FBXO34: variants seen among roughly 807,000 people sequenced by gnomAD.
FBXO34 encodes F-box only protein 34.
In FBXO34, 12 loss-of-function variants were observed where a neutral mutation model predicts 24.5. That is an observed-to-expected ratio of 0.49 (90% CI 0.31 to 0.79). FBXO34 has a LOEUF of 0.79. FBXO34 is among the 30% of genes least tolerant of loss of function. The pLI is 0.04. For synonymous variants in FBXO34, 320 were observed against 311.9 expected, an observed-to-expected ratio of 1.03 and a Z score of -0.27; for missense variants, 823 against 857.7, an observed-to-expected ratio of 0.96 and a Z score of 0.51.
rs778899920 is a variant in FBXO34, at chr14:55,352,274, A to G, written c.1884A>G (p.Arg628=). ...GCTGGGTTCGAGATCCACGCTATAG[A>G]GAGGATCCTTGCAAACAGTGCAAGA... is the stretch of plus-strand genomic sequence containing the variant. ...DSRWVRDPRY[R]EDPCKQCKKK... The change falls in exon 2 of 2, where the codon AGA becomes AGG. Residue 628 remains arginine, a synonymous_variant. Transcript: ENST00000313833. The G allele has an allele frequency of 2.5e-5, 40 of 1,614,072 alleles. No individual in the cohort carries two copies. The highest frequency in any genetic ancestry group is 4.0e-5 in the African/African-American group (3 of 74,928).
chr14:55,293,321 G>A lies in FBXO34; in HGVS notation c.-11+21784G>A, dbSNP rs1594731258. 3.3e-5 allele frequency among the ~76,000 whole-genome samples: 5 copies of A among 152,182 alleles called. No individual in the cohort carries two copies. In the East Asian group the frequency reaches 7.7e-4, roughly 23 times the overall value. Reference sequence around the variant, plus strand: ...GCCACTCGAGTAGCTGGGATTACAGGTGTGTGCCACCACACCCAGCTAATT... The same window carrying A: ...GCCACTCGAGTAGCTGGGATTACAGATGTGTGCCACCACACCCAGCTAATT... On this transcript the variant is annotated intron_variant, in intron 1 of 1. Coordinates refer to ENST00000313833, the MANE Select transcript of FBXO34 (RefSeq NM_017943.4).
chr14:55,332,132 T>A (rs1883616194), intron 1 of FBXO34, among the ~76,000 whole-genome samples: 1 of 149,668 alleles, frequency 6.7e-6, no homozygotes, highest in African/African-American at 2.4e-5. Flanking sequence ...TATAACTCAT[T>A]CTCACTACTT....
chr14:55,351,623 C>G lies in FBXO34; in HGVS notation c.1233C>G (p.Leu411=). The change falls in exon 2 of 2, where the codon CTC becomes CTG. Residue 411 remains leucine (L), a synonymous_variant. Transcript: ENST00000313833. The part of the protein sequence containing the change: ...NRYDVEMTDE[L]VGLPFSSHTY... ...ATGATGTGGAAATGACAGATGAACTCGTTGGGTTACCTTTTTCCTCTCATA... is the reference window on the plus strand; with the variant it reads ...ATGATGTGGAAATGACAGATGAACTGGTTGGGTTACCTTTTTCCTCTCATA... 6.2e-7 allele frequency: 1 copy of G among 1,614,182 alleles called. No individual in the cohort carries two copies. Among genetic ancestry groups the G allele is most frequent in the Non-Finnish European group, 8.5e-7 (1 of 1,180,030 alleles).
chr14:55,406,856 G>T, the FBXO34 span, among the ~76,000 whole-genome samples: 532 of 151,934 alleles, frequency 3.5e-3, 7 homozygotes, highest in African/African-American at 0.012. Context: ...ATTTTGAATG[G>T]TTATTTGCTT....
the FBXO34 span, among the ~76,000 whole-genome samples, chr14:55,389,674 T>C: frequency 6.6e-6 from 1 of 152,246 alleles, no homozygotes; most frequent in East Asian, 1.9e-4. Context: ...TACATAAACA[T>C]GCTCTTTGAG....
At chr14:55,376,194 CGTCA>C in the FBXO34 span, among the ~76,000 whole-genome samples, 1 of 152,188 alleles carries the variant, frequency 6.6e-6, no homozygotes, top group African/African-American at 2.4e-5. Context: ...CCATACTAAG[CGTCA>C]GTTTCTCCTG....
chr14:55,409,798 G>GA, the FBXO34 span, among the ~76,000 whole-genome samples: 2 of 152,198 alleles, frequency 1.3e-5, no homozygotes, highest in Admixed American at 6.5e-5. Flanking sequence ...TGGGTAAAGT[G>GA]AAAAACCACT....
chr14:55,305,541 C>G (rs1035034921), intron 1 of FBXO34, among the ~76,000 whole-genome samples: 3 of 150,294 alleles, frequency 2.0e-5, no homozygotes, highest in Admixed American at 6.7e-5. Context: ...CCAAAAAATA[C>G]AAAAATTAGC....
At chr14:55,276,606 CTTGA>C (rs1298465465) in intron 1 of FBXO34, among the ~76,000 whole-genome samples, 1 of 151,720 alleles carries the variant, frequency 6.6e-6, no homozygotes, top group African/African-American at 2.4e-5. Context: ...GAGGAAGGGG[CTTGA>C]TTAACTTTTA....
chr14:55,429,314 C>G, the FBXO34 span, among the ~76,000 whole-genome samples: 2 of 152,254 alleles, frequency 1.3e-5, no homozygotes, highest in African/African-American at 4.8e-5. Flanking sequence ...CACCTGGGAA[C>G]TTGTTAGAAA....
intron 1 of FBXO34, among the ~76,000 whole-genome samples, chr14:55,296,223 G>A (rs1160248091): frequency 6.6e-6 from 1 of 151,978 alleles, no homozygotes; most frequent in Non-Finnish European, 1.5e-5. Flanking sequence ...TTCAGGAAGA[G>A]TTTAGCTTCT....
At chr14:55,413,933 T>C in the FBXO34 span, 2 of 484,168 alleles carry the variant, frequency 4.1e-6, no homozygotes, top group South Asian at 1.6e-5. Context: ...GCCATTCCCT[T>C]GATGTCTACA....
chr14:55,403,534 A>G, the FBXO34 span, among the ~76,000 whole-genome samples: 1 of 152,158 alleles, frequency 6.6e-6, no homozygotes, highest in South Asian at 2.1e-4. Context: ...AGGGATAGTC[A>G]TATATAATCT....
intron 1 of FBXO34, among the ~76,000 whole-genome samples, chr14:55,287,628 T>TTTTG (rs544027609): frequency 2.6e-5 from 4 of 152,240 alleles, no homozygotes; most frequent in South Asian, 2.1e-4. Context: ...TTTCTAGACT[T>TTTTG]TTTGTTTGTT....
chr14:55,348,152 G>A (rs974140666), intron 1 of FBXO34, among the ~76,000 whole-genome samples: 3 of 152,182 alleles, frequency 2.0e-5, no homozygotes. Flanking sequence ...AATTGCCAAA[G>A]ATCAGAAAGA....
the FBXO34 span, among the ~76,000 whole-genome samples, chr14:55,421,101 T>TGGGA: frequency 4.8e-5 from 7 of 146,770 alleles, no homozygotes; most frequent in Non-Finnish European, 9.1e-5. Flanking sequence ...TTGGGGTAGG[T>TGGGA]GGGAAAGCTG....
downstream of FBXO34, among the ~76,000 whole-genome samples, chr14:55,373,827 C>A (rs956488151): frequency 4.7e-5 from 7 of 149,928 alleles, no homozygotes; most frequent in African/African-American, 1.7e-4. Context: ...AAAAGTTTAT[C>A]TTTTCAGAAT....
At chr14:55,331,562 C>T (rs1040408104) in intron 1 of FBXO34, among the ~76,000 whole-genome samples, 12 of 109,222 alleles carry the variant, frequency 1.1e-4, no homozygotes, top group African/African-American at 1.7e-4. Context: ...TATATATATA[C>T]ACACACACAC....
At chr14:55,415,943 T>TA in the FBXO34 span, among the ~76,000 whole-genome samples, 1 of 152,144 alleles carries the variant, frequency 6.6e-6, no homozygotes. Context: ...TGCTACAACA[T>TA]ATAGCATGTT....
Sources: allele counts gnomAD v4.1 joint callset (sites outside exome capture counted in the v4.1 genomes callset), GRCh38; gene constraint gnomAD v4.1.1; transcripts MANE v1.5; gene names NCBI Gene and HGNC (gene_info 2026-07-23, HGNC 2026-07-21).